Variants in FAM168A observed in about 807,000 individuals in gnomAD.
The protein encoded by FAM168A is protein FAM168A.
Under a neutral mutation model 28.5 loss-of-function variants are expected in FAM168A, and 3 were observed. The observed-to-expected ratio is 0.11, with a 90% CI of 0.05 to 0.27. The LOEUF (loss-of-function observed/expected upper bound fraction) is 0.27, where lower values mean the gene tolerates loss of function less well. FAM168A is among the 10% of genes least tolerant of loss of function. FAM168A has a pLI of 1.00. For missense variants in FAM168A, 222 were observed against 311.5 expected (o/e 0.71, Z 2.16); for synonymous variants, 122 against 124.2 (o/e 0.98, Z 0.12).
intron 1 of FAM168A, among the ~76,000 whole-genome samples, chr11:73,484,508 A>AGAGAGAGAGATATCTATATC (rs1211807465): frequency 8.1e-6 from 1 of 123,662 alleles, no homozygotes; most frequent in African/African-American, 4.0e-5. Flanking sequence ...GGAGAGAGAG[A>AGAGAGAGAGATATCTATATC]TATATATAGA....
chr11:73,489,636 G>A (rs977201398), intron 1 of FAM168A, among the ~76,000 whole-genome samples: 3 of 151,544 alleles, frequency 2.0e-5, no homozygotes, highest in East Asian at 1.9e-4. Context: ...TCAGCCTCCC[G>A]AGTAGCTGGG....
chr11:73,433,014 C>T (rs1451282136), intron 2 of FAM168A, among the ~76,000 whole-genome samples: 1 of 151,300 alleles, frequency 6.6e-6, no homozygotes, highest in East Asian at 1.9e-4. Context: ...TGGGCTCAAG[C>T]AATCCTCCTG....
intron 2 of FAM168A, among the ~76,000 whole-genome samples, chr11:73,453,851 G>C (rs1240174566): frequency 6.6e-6 from 1 of 152,188 alleles, no homozygotes; most frequent in Admixed American, 6.5e-5. Context: ...ATTTTCAGCT[G>C]TATTCGAGGC....
chr11:73,564,950 G>C (rs142512684), intron 1 of FAM168A, among the ~76,000 whole-genome samples: 7 of 152,008 alleles, frequency 4.6e-5, no homozygotes, highest in Non-Finnish European at 1.0e-4. Flanking sequence ...GAAGAAAAAG[G>C]GTCAGTTAGC....
chr11:73,572,485 GT>G (rs1944113186), intron 1 of FAM168A, among the ~76,000 whole-genome samples: 1 of 151,812 alleles, frequency 6.6e-6, no homozygotes, highest in Non-Finnish European at 1.5e-5. Flanking sequence ...CTGTGTCTGT[GT>G]AGAAAGAAGT....
intron 1 of FAM168A, among the ~76,000 whole-genome samples, chr11:73,495,274 A>G (rs1854849314): frequency 6.6e-6 from 1 of 152,228 alleles, no homozygotes; most frequent in South Asian, 2.1e-4. Flanking sequence ...GCTTGCAGTG[A>G]GCCGAGATCG....
At chr11:73,527,432 C>A (rs2134659676) in intron 1 of FAM168A, among the ~76,000 whole-genome samples, 1 of 152,290 alleles carries the variant, frequency 6.6e-6, no homozygotes, top group South Asian at 2.1e-4. Flanking sequence ...GTCATAATCA[C>A]TTATTGAGCA....
rs142221334 is a variant in FAM168A at position 73,462,577 on chromosome 11, A to T, written c.70+5828T>A. On this transcript the variant is annotated intron_variant, in intron 2 of 7. Transcript: ENST00000356467. ...TACTTAATGCCACTAAATAGTACAC[A>T]CAAAAATGGTTAAGATGGCTGAGAG... Among the ~76,000 whole-genome samples the T allele has an allele frequency of 3.3e-5, 5 of 152,328 alleles. No homozygotes were observed. In the East Asian group the frequency reaches 9.6e-4, roughly 29 times the overall value.
intron 1 of FAM168A, among the ~76,000 whole-genome samples, chr11:73,583,691 A>G (rs983301832): frequency 6.6e-6 from 1 of 152,248 alleles, no homozygotes; most frequent in African/African-American, 2.4e-5. Context: ...GGCCAAGAGA[A>G]CAGCACGTGC....
At chr11:73,530,995 C>T (rs12282576) in intron 1 of FAM168A, among the ~76,000 whole-genome samples, 4,534 of 152,064 alleles carry the variant, frequency 0.03, 225 homozygotes, top group African/African-American at 0.1. Flanking sequence ...TTGAAAAAAA[C>T]GAGATGAACT....
At chr11:73,568,517 C>T (rs1944048585) in intron 1 of FAM168A, among the ~76,000 whole-genome samples, 1 of 152,206 alleles carries the variant, frequency 6.6e-6, no homozygotes, top group Non-Finnish European at 1.5e-5. Context: ...TATGCTATGA[C>T]ATGACTGTAT....
intron 1 of FAM168A, among the ~76,000 whole-genome samples, chr11:73,576,034 T>C (rs1430835518): frequency 3.3e-5 from 5 of 152,206 alleles, no homozygotes; most frequent in Admixed American, 3.3e-4. Context: ...TTGTTTGGTG[T>C]CATGGAAAAC....
At chr11:73,459,078 T>G (rs1450346560) in intron 2 of FAM168A, among the ~76,000 whole-genome samples, 2 of 151,940 alleles carry the variant, frequency 1.3e-5, no homozygotes, top group African/African-American at 2.4e-5. Flanking sequence ...AGTCAAACTT[T>G]GTTTTTGTTT....
intron 1 of FAM168A, among the ~76,000 whole-genome samples, chr11:73,513,192 GTTTTTTTTTTTAATTTT>G (rs1855259846): frequency 6.2e-5 from 7 of 113,638 alleles, no homozygotes; most frequent in Admixed American, 6.1e-4. Flanking sequence ...TCAAAGTTTT[GTTTTTTTTTTTAATTTT>G]TTTTTTTTTT....
chr11:73,525,455 G>A (rs1471793525), intron 1 of FAM168A, among the ~76,000 whole-genome samples: 5 of 152,096 alleles, frequency 3.3e-5, no homozygotes, highest in African/African-American at 1.2e-4. Context: ...CCCTGTTTTG[G>A]GAATGTCACC....
At chr11:73,591,138 T>C (rs1470965820) in intron 1 of FAM168A, among the ~76,000 whole-genome samples, 1 of 151,468 alleles carries the variant, frequency 6.6e-6, no homozygotes, top group African/African-American at 2.4e-5. Context: ...AGCGAGACTC[T>C]GTCTCAAAAA....
At chr11:73,520,967 C>T (rs1224425734) in intron 1 of FAM168A, among the ~76,000 whole-genome samples, 1 of 151,452 alleles carries the variant, frequency 6.6e-6, no homozygotes, top group African/African-American at 2.4e-5. Flanking sequence ...GACCAGGGAC[C>T]TTCCAACAAA....
chr11:73,498,544 G>A (rs1296214885), intron 1 of FAM168A, among the ~76,000 whole-genome samples: 2 of 152,100 alleles, frequency 1.3e-5, no homozygotes, highest in Non-Finnish European at 2.9e-5. Context: ...GTGGCCCACT[G>A]TCTAAGCCGT....
chr11:73,592,389 A>C (rs920031988), intron 1 of FAM168A, among the ~76,000 whole-genome samples: 7 of 152,252 alleles, frequency 4.6e-5, no homozygotes, highest in African/African-American at 1.4e-4. Context: ...TGTTTTCAAT[A>C]CTAAAGATAT....
Sources: gnomAD v4.1 joint callset for allele counts (sites outside exome capture counted in the v4.1 genomes callset) on GRCh38, gnomAD v4.1.1 for gene constraint, MANE v1.5 for transcripts, NCBI Gene and HGNC (gene_info 2026-07-23, HGNC 2026-07-21) for gene names.